Variants in MYH2 observed in about 807,000 individuals in gnomAD.
MYH2 encodes myosin heavy chain 2.
MYH2 carries 139 observed loss-of-function variants against 228.1 expected under a neutral mutation model. The observed-to-expected ratio is 0.61, with a 90% CI of 0.53 to 0.70. The LOEUF (loss-of-function observed/expected upper bound fraction) is 0.70. Among genes scored for constraint, MYH2 ranks in the 30% least tolerant of loss-of-function variants. The pLI, the probability that MYH2 is intolerant of heterozygous loss-of-function variation, is 0.00. For synonymous variants in MYH2, 796 were observed against 871.1 expected, an observed-to-expected ratio of 0.91 and a Z score of 1.52; for missense variants, 1,809 against 2,357.5, an observed-to-expected ratio of 0.77 and a Z score of 4.82.
Position 10,523,385 on chromosome 17 carries a change from T to A in MYH2, c.5500A>T (p.Ser1834Cys). ...GCCTCAGCATTACGCTTTTGCTCAC[T>A]CTCAACCTCTCCTTCCAGCTCCCGT... Reference protein sequence around the residue: ...RVRELEGEVESEQKRNAEAVK... With the variant: ...RVRELEGEVECEQKRNAEAVK... The change falls in exon 38 of 40, where the codon AGT (serine) becomes TGT (cysteine). Residue 1834 changes from serine (S) to cysteine (C), a missense_variant. Transcript: ENST00000245503. 1 of 1,614,200 alleles carries A rather than the reference T, an allele frequency of 6.2e-7. No homozygotes were observed.
chr17:10,525,733 G>T lies in MYH2; in HGVS notation c.4331C>A (p.Ala1444Asp). The T allele has an allele frequency of 6.2e-7, 1 of 1,614,166 alleles. No homozygotes were observed. The highest frequency in any genetic ancestry group is 8.5e-7 in the Non-Finnish European group (1 of 1,180,036). Residue 1444 changes from alanine (A) to aspartate (D), a missense_variant, in exon 31 of 40, where the codon GCC becomes GAC. Physicochemically the swap from Ala to Asp is moderately radical, Grantham distance 126. Transcript: ENST00000245503. This position sits in a 1 kb window ranked among gnomAD's most constrained non-coding sequence, Gnocchi z 4.2. The stretch of plus-strand genomic sequence containing the variant: ...TTGCTTTTTGTCAAGGGCGGCACAG[G>T]CGGCATTTGTCCTCTCCACATCAAG... Reference protein sequence around the residue: ...LMLDVERTNAACAALDKKQRN... With the variant: ...LMLDVERTNADCAALDKKQRN...
At chr17:10,522,380 GT>G in intron 39 of MYH2, among the ~76,000 whole-genome samples, 1 of 152,018 alleles carries the variant, frequency 6.6e-6, no homozygotes, top group African/African-American at 2.4e-5. Context: ...CATTTCTAAT[GT>G]TGTTTATATT....
Position 10,535,277 on chromosome 17 carries a change from C to T in MYH2, c.2062+1G>A. The T allele has an allele frequency of 6.2e-7, 1 of 1,614,030 alleles. No homozygotes were observed. Among genetic ancestry groups the T allele is most frequent in the Non-Finnish European group, 8.5e-7 (1 of 1,179,958 alleles). On this transcript the variant is annotated splice_donor_variant, in intron 18 of 39. Transcript: ENST00000245503. LOFTEE classifies it high-confidence loss of function. ...TGCACTTTCATTATGGAATTTCTTA[C>T]CAGGAGTTTTTGTCTCATTGGGGAT...
chr17:10,543,696 G>T lies in MYH2; in HGVS notation c.741+15C>A. ...ACCAGTGAACAGCATCTATTAGCGT[G>T]TCCAAGAGACTTACAAAGCGAGAGG... is the stretch of plus-strand genomic sequence containing the variant. On this transcript the variant is annotated intron_variant, in intron 8 of 39. Coordinates refer to ENST00000245503, the MANE Select transcript of MYH2 (RefSeq NM_017534.6). 2.5e-6 allele frequency: 4 copies of T among 1,614,008 alleles called. No individual in the cohort carries two copies. Among genetic ancestry groups the T allele is most frequent in the Non-Finnish European group, 3.4e-6 (4 of 1,179,840 alleles).
chr17:10,531,176 C>T (rs182797926), intron 22 of MYH2, among the ~76,000 whole-genome samples: 45 of 152,214 alleles, frequency 3.0e-4, no homozygotes, highest in Non-Finnish European at 5.0e-4. Flanking sequence ...CAATATCACA[C>T]GATAATTCAG....
intron 29 of MYH2, 26 bp from the exon 30 acceptor site, chr17:10,526,821 T>G (rs2073361824): frequency 6.2e-7 from 1 of 1,614,244 alleles, no homozygotes; most frequent in African/African-American, 1.3e-5. Context: ...CACCTTCATT[T>G]TACTGGATAT....
chr17:10,531,663 T>C lies in MYH2; in HGVS notation c.2667A>G (p.Glu889=). 6.2e-7 allele frequency: 1 copy of C among 1,614,222 alleles called. No individual in the cohort carries two copies. The highest frequency in any genetic ancestry group is 8.5e-7 in the Non-Finnish European group (1 of 1,180,042). Residue 889 remains glutamate, a synonymous_variant, in exon 22 of 40, where the codon GAA becomes GAG. Coordinates refer to ENST00000245503, the MANE Select transcript of MYH2 (RefSeq NM_017534.6). ...GAACTTGGAGCTGCAAGTCATTTTT[T>C]TCTTTCAACAGCGTCACCATCTTTT... is the stretch of plus-strand genomic sequence containing the variant. The part of the protein sequence containing the change: ...LEEKMVTLLK[E]KNDLQLQVQA...
chr17:10,525,243 G>A lies in MYH2; in HGVS notation c.4643C>T (p.Ala1548Val). 1.2e-6 allele frequency: 2 copies of A among 1,614,072 alleles called. No individual in the cohort carries two copies. The highest frequency in any genetic ancestry group is 2.2e-5 in the South Asian group (2 of 91,082). The change falls in exon 33 of 40, where the codon GCT becomes GTT. Residue 1548 changes from alanine (A) to valine (V), a missense_variant. Physicochemically the swap from Ala to Val is moderately conservative, Grantham distance 64. Coordinates refer to ENST00000245503, the MANE Select transcript of MYH2 (RefSeq NM_017534.6). This position sits in a 1 kb window ranked among gnomAD's most constrained non-coding sequence, Gnocchi z 4.2. Reference sequence around the variant, plus strand: ...ATGTACCTCTGCTTCTTCTAAAGCAGCCTGAAGTTCACACTTTTCTTGTTC... The same window carrying A: ...ATGTACCTCTGCTTCTTCTAAAGCAACCTGAAGTTCACACTTTTCTTGTTC... ...QVEQEKCELQ[A>V]ALEEAEASLE...
At chr17:10,543,292 T>C in intron 8 of MYH2, 131 bp from the exon 9 acceptor site, 1 of 696,208 alleles carries the variant, frequency 1.4e-6, no homozygotes, top group Non-Finnish European at 2.4e-6. Context: ...TAGAAAAAGG[T>C]GTATCTCCTA....
chr17:10,526,846 C>G lies in MYH2; in HGVS notation c.3991-51G>C, dbSNP rs772835844. 1.9e-6 allele frequency: 3 copies of G among 1,613,978 alleles called. No homozygotes were observed. In the African/African-American group the frequency reaches 4.0e-5, roughly 22 times the overall value. On this transcript the variant is annotated intron_variant, in intron 29 of 39. Coordinates refer to ENST00000245503, the MANE Select transcript of MYH2 (RefSeq NM_017534.6). ...TTACTGGATATTTAAATATTTAACT[C>G]TTAACTTTCAAAACCTTTTGAAAGC...
chr17:10,527,666 G>A (rs538699034), intron 28 of MYH2, 82 bp downstream of exon 28: 2 of 1,601,594 alleles, frequency 1.2e-6, no homozygotes, highest in East Asian at 2.2e-5. Context: ...TGTTTTATTA[G>A]GCTCCCACTT....
chr17:10,541,909 G>A (rs34459098), intron 10 of MYH2, among the ~76,000 whole-genome samples: 8,188 of 152,210 alleles, frequency 0.054, 250 homozygotes, highest in South Asian at 0.12. Flanking sequence ...CTGGAGAGGC[G>A]TTTAAAGGAT....
At chr17:10,539,684 T>A in intron 12 of MYH2, 122 bp from the exon 13 acceptor site, 1 of 1,206,806 alleles carries the variant, frequency 8.3e-7, no homozygotes, top group Non-Finnish European at 1.2e-6. Context: ...TGAGTATCCT[T>A]ACCCATTTGT....
chr17:10,537,897 A>C lies in MYH2; in HGVS notation c.1417-62T>G. 6.2e-7 allele frequency: 1 copy of C among 1,613,266 alleles called. No individual in the cohort carries two copies. Among genetic ancestry groups the C allele is most frequent in the Non-Finnish European group, 8.5e-7 (1 of 1,179,430 alleles). On this transcript the variant is annotated intron_variant, in intron 14 of 39. Coordinates refer to ENST00000245503, the MANE Select transcript of MYH2 (RefSeq NM_017534.6). This position sits in a 1 kb window ranked among gnomAD's most constrained non-coding sequence, Gnocchi z 4.0. ...AATTGAGTATTTTTTAAAATACAGA[A>C]CTTTTCCATTTTAAAAATATGTGTC...
intron 2 of MYH2, among the ~76,000 whole-genome samples, chr17:10,549,091 T>C (rs1567739223): frequency 2.0e-5 from 3 of 152,242 alleles, no homozygotes. Flanking sequence ...TTGAGATTTT[T>C]AGCCAGGGAA....
chr17:10,545,318 G>T, intron 5 of MYH2, 28 bp downstream of exon 5: 1 of 1,612,334 alleles, frequency 6.2e-7, no homozygotes. Flanking sequence ...AAAGGTTTAC[G>T]CACTTGCAAA....
intron 21 of MYH2, 43 bp from the exon 22 acceptor site, chr17:10,531,931 A>G: frequency 6.2e-7 from 1 of 1,610,764 alleles, no homozygotes. Context: ...TGGTTGATGC[A>G]ATGGGATGAA....
Position 10,539,502 on chromosome 17 carries a change from C to G in MYH2, c.1208G>C (p.Cys403Ser), listed in dbSNP as rs753894447. Reference protein sequence around the residue: ...LNSADLLKALCYPRVKVGNEY... With the variant: ...LNSADLLKALSYPRVKVGNEY... ...ATTGCCGACCTTGACCCTGGGGTAG[C>G]AGAGAGCTTTGAGCAGATCTGCAGA... The change falls in exon 13 of 40, where the codon TGC (cysteine) becomes TCC (serine). Residue 403 changes from cysteine (C) to serine (S), a missense_variant. Physicochemically the swap from Cys to Ser is moderately radical, Grantham distance 112. Coordinates refer to ENST00000245503, the MANE Select transcript of MYH2 (RefSeq NM_017534.6). 6.2e-7 allele frequency: 1 copy of G among 1,614,182 alleles called. No homozygotes were observed. The highest frequency in any genetic ancestry group is 8.5e-7 in the Non-Finnish European group (1 of 1,180,050).
At chr17:10,545,260 G>C in intron 5 of MYH2, 86 bp downstream of exon 5, 1 of 1,606,048 alleles carries the variant, frequency 6.2e-7, no homozygotes, top group Non-Finnish European at 8.5e-7. Context: ...CGATCTCAAG[G>C]AATGTGTTGA....
Sources: gnomAD v4.1 joint callset for allele counts (sites outside exome capture counted in the v4.1 genomes callset) on GRCh38, gnomAD v4.1.1 for gene constraint, Gnocchi (gnomAD v3.1) non-coding constraint, MANE v1.5 for transcripts, NCBI Gene and HGNC (gene_info 2026-07-23, HGNC 2026-07-21) for gene names.